The following SCFD2 variants were observed in gnomAD, a reference collection of about 807,000 sequenced individuals.
SCFD2 encodes the protein sec1 family domain containing 2.
In SCFD2, 54 loss-of-function variants were observed where a neutral mutation model predicts 58.9. The observed-to-expected ratio is 0.92, with a 90% CI of 0.74 to 1.15. The LOEUF is 1.15. SCFD2 is among the 50% of genes most tolerant of loss of function. The pLI is 0.00. For missense variants in SCFD2, 805 were observed against 836.6 expected (o/e 0.96, Z 0.47); for synonymous variants, 321 against 335.9 (o/e 0.96, Z 0.49).
At chr4:53,317,955 G>C (rs1009445657) in intron 2 of SCFD2, among the ~76,000 whole-genome samples, 1 of 152,102 alleles carries the variant, frequency 6.6e-6, no homozygotes, top group African/African-American at 2.4e-5. Flanking sequence ...AAAAATCAAA[G>C]GGCAGAATTT....
chr4:53,211,711 GTCT>G (rs1053027681), intron 4 of SCFD2, among the ~76,000 whole-genome samples: 91 of 152,220 alleles, frequency 6.0e-4, no homozygotes, highest in African/African-American at 2.0e-3. Flanking sequence ...GGTCACAAAT[GTCT>G]TCTTCTGTGT....
intron 5 of SCFD2, among the ~76,000 whole-genome samples, chr4:53,106,243 A>G (rs1296469309): frequency 6.6e-6 from 1 of 152,266 alleles, no homozygotes; most frequent in African/African-American, 2.4e-5. Flanking sequence ...CCAAAGGTAG[A>G]TAAATCCATG....
chr4:52,989,908 C>A (rs1721581313), intron 5 of SCFD2, among the ~76,000 whole-genome samples: 1 of 152,150 alleles, frequency 6.6e-6, no homozygotes, highest in South Asian at 2.1e-4. Flanking sequence ...CTCTCTTCCT[C>A]TGTCTACACT....
chr4:53,227,162 T>C (rs1378769137), intron 4 of SCFD2, among the ~76,000 whole-genome samples: 1 of 151,338 alleles, frequency 6.6e-6, no homozygotes. Context: ...TCTTCAGTGA[T>C]GAAAATCCTT....
At chr4:52,932,133 A>G (rs773807698) in intron 5 of SCFD2, among the ~76,000 whole-genome samples, 1 of 152,238 alleles carries the variant, frequency 6.6e-6, no homozygotes, top group Non-Finnish European at 1.5e-5. Flanking sequence ...CCCACCTCAC[A>G]TGGTGATTTG....
At chr4:53,357,120 T>G (rs1734424185) in intron 1 of SCFD2, among the ~76,000 whole-genome samples, 1 of 152,142 alleles carries the variant, frequency 6.6e-6, no homozygotes, top group Non-Finnish European at 1.5e-5. Flanking sequence ...TATGTATTTT[T>G]GAATGAAGGA....
chr4:53,073,798 T>C (rs1029529508), intron 5 of SCFD2, among the ~76,000 whole-genome samples: 1 of 152,172 alleles, frequency 6.6e-6, no homozygotes, highest in African/African-American at 2.4e-5. Flanking sequence ...TGCAATAGAA[T>C]TATGTCTAAA....
chr4:52,992,883 G>T (rs529231276), intron 5 of SCFD2, among the ~76,000 whole-genome samples: 1 of 152,220 alleles, frequency 6.6e-6, no homozygotes, highest in Non-Finnish European at 1.5e-5. Flanking sequence ...CAGTCACCCC[G>T]TCTGGGAGGT....
chr4:53,335,219 A>AC lies in SCFD2; in HGVS notation c.1007+17378_1007+17379insG, dbSNP rs1399662817. Among the ~76,000 whole-genome samples the AC allele has an allele frequency of 4.3e-4, 64 of 148,016 alleles. No homozygotes were observed. In the East Asian group the frequency reaches 0.012, roughly 27 times the overall value. On this transcript the variant is annotated intron_variant, in intron 2 of 8. Coordinates refer to ENST00000401642, the MANE Select transcript of SCFD2 (RefSeq NM_152540.4). ...CAAAAAAAAAAAAAAAAAAACAACA[A>AC]AAAAAAAAACAACAACAACAACCCC...
chr4:53,036,622 G>A (rs1185496811), intron 5 of SCFD2, among the ~76,000 whole-genome samples: 1 of 151,784 alleles, frequency 6.6e-6, no homozygotes, highest in South Asian at 2.1e-4. Flanking sequence ...ATGTTCTCAC[G>A]CAAAAGTGGG....
At chr4:53,283,803 C>T (rs1731577865) in intron 3 of SCFD2, among the ~76,000 whole-genome samples, 3 of 151,752 alleles carry the variant, frequency 2.0e-5, no homozygotes, top group South Asian at 2.1e-4. Context: ...TTTGCTTTAC[C>T]GTAACGTAAC....
At chr4:53,078,119 C>T (rs1724036818) in intron 5 of SCFD2, among the ~76,000 whole-genome samples, 1 of 152,108 alleles carries the variant, frequency 6.6e-6, no homozygotes, top group African/African-American at 2.4e-5. Context: ...TTTTTTAGCA[C>T]CATCATTTGC....
Position 53,145,481 on chromosome 4 carries a change from CA to C in SCFD2, c.1412del (p.Leu471ArgfsTer2), listed in dbSNP as rs748758049. ...AATAAATATATATGAGAAGGATCAG[CA>C]GTTCCTCAGGGCTGTAGTCCTCGTT... The part of the protein sequence containing the change: ...RTNEDYSPEE[L>X]LILLIYIYSV... On this transcript the variant is annotated frameshift_variant, in exon 5 of 9. Transcript: ENST00000401642. LOFTEE classifies it high-confidence loss of function. 6.2e-7 allele frequency: 1 copy of C among 1,614,118 alleles called. No individual in the cohort carries two copies.
intron 4 of SCFD2, among the ~76,000 whole-genome samples, chr4:53,170,218 T>C (rs1460308790): frequency 2.0e-5 from 3 of 152,182 alleles, no homozygotes; most frequent in Non-Finnish European, 1.5e-5. Flanking sequence ...GTGTGAGATA[T>C]ACAAAACTGT....
At chr4:53,179,539 C>A (rs1395244028) in intron 4 of SCFD2, among the ~76,000 whole-genome samples, 4 of 152,168 alleles carry the variant, frequency 2.6e-5, no homozygotes, top group Non-Finnish European at 4.4e-5. Context: ...CCAGCCACTG[C>A]AAAAACATGC....
chr4:52,894,561 C>A (rs1240818633), intron 7 of SCFD2, among the ~76,000 whole-genome samples: 1 of 152,162 alleles, frequency 6.6e-6, no homozygotes, highest in African/African-American at 2.4e-5. Flanking sequence ...ATCAAGCTTT[C>A]CTCTAAGGAG....
At chr4:53,280,621 T>G (rs1278783743) in intron 3 of SCFD2, among the ~76,000 whole-genome samples, 1 of 152,168 alleles carries the variant, frequency 6.6e-6, no homozygotes, top group African/African-American at 2.4e-5. Context: ...TCATTGCATG[T>G]TTTTTATTCA....
At chr4:53,280,909 T>C (rs748754720) in intron 3 of SCFD2, among the ~76,000 whole-genome samples, 2 of 152,200 alleles carry the variant, frequency 1.3e-5, no homozygotes, top group Admixed American at 6.5e-5. Context: ...TTTTTCCCCA[T>C]TATTTTAACA....
chr4:52,932,457 C>CT (rs943081819), intron 5 of SCFD2, among the ~76,000 whole-genome samples: 32 of 152,170 alleles, frequency 2.1e-4, no homozygotes, highest in Middle Eastern at 6.8e-3. Context: ...CTTTAAAAAT[C>CT]TTTTTTTTCC....
Sources: gnomAD v4.1 joint callset for allele counts (sites outside exome capture counted in the v4.1 genomes callset) on GRCh38, gnomAD v4.1.1 for gene constraint, MANE v1.5 for transcripts, NCBI Gene and HGNC (gene_info 2026-07-23, HGNC 2026-07-21) for gene names.